Variants in CCDC6 observed in about 807,000 individuals in gnomAD.
CCDC6 encodes coiled-coil domain-containing protein 6.
A neutral mutation model predicts 56.6 loss-of-function variants in CCDC6; 20 were observed. The observed-to-expected ratio is 0.35, with a 90% CI of 0.25 to 0.51. CCDC6 has a LOEUF of 0.51. Among genes scored for constraint, CCDC6 ranks in the 20% least tolerant of loss-of-function variants. The pLI is 0.95. For synonymous variants in CCDC6, 241 were observed against 234.4 expected (o/e 1.03, Z -0.26); for missense variants, 367 against 601.1 (o/e 0.61, Z 4.07).
chr10:59,871,857 GA>G (rs997608220), intron 1 of CCDC6, among the ~76,000 whole-genome samples: 26 of 149,198 alleles, frequency 1.7e-4, no homozygotes, highest in African/African-American at 5.2e-4. Context: ...ATTGGCAAAA[GA>G]AAAAAAAATA....
chr10:59,823,916 C>A (rs2070766144), intron 3 of CCDC6, among the ~76,000 whole-genome samples: 1 of 152,236 alleles, frequency 6.6e-6, no homozygotes, highest in African/African-American at 2.4e-5. Flanking sequence ...TGCTCTACTG[C>A]AGCAAACCAC....
At chr10:59,806,716 AT>A (rs1369684935) in intron 6 of CCDC6, 1 of 457,396 alleles carries the variant, frequency 2.2e-6, no homozygotes, top group South Asian at 5.2e-5. Flanking sequence ...TAGAGAGGTG[AT>A]TTTTTTCATC....
chr10:59,900,231 G>A (rs575545551), intron 1 of CCDC6, among the ~76,000 whole-genome samples: 7 of 152,226 alleles, frequency 4.6e-5, no homozygotes, highest in Middle Eastern at 3.4e-3. Context: ...ATGGAACCAC[G>A]GAAGTAGGTG....
intron 7 of CCDC6, among the ~76,000 whole-genome samples, chr10:59,795,730 C>T (rs201000816): frequency 4.7e-5 from 7 of 150,028 alleles, no homozygotes; most frequent in African/African-American, 1.7e-4. Context: ...TGTGGTGTTT[C>T]GTTTTTTGTC....
chr10:59,862,669 A>C (rs1374044561), intron 1 of CCDC6, among the ~76,000 whole-genome samples: 1 of 151,830 alleles, frequency 6.6e-6, no homozygotes, highest in African/African-American at 2.4e-5. Flanking sequence ...AGAAGTTCAT[A>C]ATCACCCTCA....
In CCDC6 at chr10:59,884,648, A is replaced by AG. The variant is rs1554887568; in HGVS notation, c.303+21473dup. On this transcript the variant is annotated intron_variant, in intron 1 of 8. Transcript: ENST00000263102. Reference sequence around the variant, plus strand: ...ATAAAACTCATGAGATGTGTAAAGTAGAAAAAAAAAATCAAGATATAGAAC... The same window carrying AG: ...ATAAAACTCATGAGATGTGTAAAGTAGGAAAAAAAAAATCAAGATATAGAAC... Among the ~76,000 whole-genome samples the AG allele has an allele frequency of 1.3e-4, 16 of 121,486 alleles. 2 individuals are homozygous for AG. The South Asian group carries it at 4.6e-3, about 35-fold the overall frequency. The allele number at this position is 121,486 out of a possible 152,430, so 79.7% of individuals were successfully genotyped here.
chr10:59,849,773 G>A (rs2071022631), intron 2 of CCDC6, among the ~76,000 whole-genome samples: 2 of 152,112 alleles, frequency 1.3e-5, no homozygotes, highest in Non-Finnish European at 2.9e-5. Context: ...GTCCTGTGCA[G>A]AAGCAAACAT....
At chr10:59,854,261 A>G (rs910279179) in intron 1 of CCDC6, among the ~76,000 whole-genome samples, 3 of 151,608 alleles carry the variant, frequency 2.0e-5, no homozygotes, top group Admixed American at 6.6e-5. Context: ...ACATCCACAC[A>G]CTCTAATATC....
At chr10:59,854,836 A>G (rs945287788) in intron 1 of CCDC6, among the ~76,000 whole-genome samples, 1 of 152,236 alleles carries the variant, frequency 6.6e-6, no homozygotes, top group African/African-American at 2.4e-5. Flanking sequence ...TTTGACCGAC[A>G]AAGTCCTATA....
chr10:59,820,008 C>A (rs1017422142), intron 3 of CCDC6, among the ~76,000 whole-genome samples: 1 of 152,170 alleles, frequency 6.6e-6, no homozygotes. Context: ...ACCAGGAGTT[C>A]TTATTATGTT....
chr10:59,855,586 GA>G (rs1368355571), intron 1 of CCDC6, among the ~76,000 whole-genome samples: 1 of 152,058 alleles, frequency 6.6e-6, no homozygotes, highest in African/African-American at 2.4e-5. Flanking sequence ...ACCCCAAAAA[GA>G]AAGTAGATTA....
At chr10:59,829,128 G>C (rs12252428) in intron 3 of CCDC6, among the ~76,000 whole-genome samples, 21,733 of 152,148 alleles carry the variant, frequency 0.14, 1,840 homozygotes, top group East Asian at 0.22. Context: ...AACTTACAGT[G>C]AGGCCCTGCT....
In CCDC6 at chr10:59,872,603, G is replaced by C. The variant is rs539249490; in HGVS notation, c.304-19901C>G. Among the ~76,000 whole-genome samples, 5 of 152,226 alleles carry C rather than the reference G, an allele frequency of 3.3e-5. No individual in the cohort carries two copies. In the South Asian group the frequency reaches 1.0e-3, roughly 32 times the overall value. The stretch of plus-strand genomic sequence containing the variant: ...TGTGAGTTGGAGGTTATTGATGTAT[G>C]AACATTTTCTAGTTTTCAGTGAGTA... On this transcript the variant is annotated intron_variant, in intron 1 of 8. Transcript: ENST00000263102.
chr10:59,872,779 T>TTA (rs879391093), intron 1 of CCDC6, among the ~76,000 whole-genome samples: 9 of 57,196 alleles, frequency 1.6e-4, no homozygotes, highest in Non-Finnish European at 2.3e-4. Flanking sequence ...ACTTTCCAGA[T>TTA]GGGGGGGTGG....
intron 1 of CCDC6, among the ~76,000 whole-genome samples, chr10:59,884,790 G>A (rs535646597): frequency 2.4e-4 from 36 of 152,352 alleles, no homozygotes; most frequent in African/African-American, 8.4e-4. Context: ...GTGGCCCGGT[G>A]CAGTGGGTCA....
intron 1 of CCDC6, among the ~76,000 whole-genome samples, chr10:59,869,755 G>C (rs2071211842): frequency 6.6e-6 from 1 of 151,964 alleles, no homozygotes; most frequent in Non-Finnish European, 1.5e-5. Context: ...CCCTCCAAAG[G>C]CTTCCCATCA....
At chr10:59,822,546 T>C (rs991847948) in intron 3 of CCDC6, among the ~76,000 whole-genome samples, 1 of 152,320 alleles carries the variant, frequency 6.6e-6, no homozygotes, top group Non-Finnish European at 1.5e-5. Flanking sequence ...AAATGACATC[T>C]GTAACTGTTG....
At chr10:59,812,081 A>C (rs966562833) in intron 5 of CCDC6, among the ~76,000 whole-genome samples, 7 of 138,362 alleles carry the variant, frequency 5.1e-5, no homozygotes, top group South Asian at 2.3e-4. Flanking sequence ...AAAAAAAAAA[A>C]ACCACAAATA....
At chr10:59,836,121 G>C (rs1441225594) in intron 2 of CCDC6, among the ~76,000 whole-genome samples, 1 of 149,902 alleles carries the variant, frequency 6.7e-6, no homozygotes, top group East Asian at 2.0e-4. Context: ...CTAAAATCAT[G>C]AGACAAGGGT....
Sources: gnomAD v4.1 joint callset for allele counts (sites outside exome capture counted in the v4.1 genomes callset) on GRCh38, gnomAD v4.1.1 for gene constraint, MANE v1.5 for transcripts, NCBI Gene and HGNC (gene_info 2026-07-23, HGNC 2026-07-21) for gene names.